PRKCZ: variants seen among roughly 807,000 people sequenced by gnomAD.
The protein encoded by PRKCZ is protein kinase C zeta, also known as protein kinase C zeta type.
PRKCZ carries 33 observed loss-of-function variants against 79.5 expected under a neutral mutation model. That is an observed-to-expected ratio of 0.41 (90% CI 0.31 to 0.55). The LOEUF is 0.55. Ranked by LOEUF, PRKCZ falls within the 20% of genes least tolerant of loss-of-function variation. PRKCZ has a pLI of 0.19. For missense variants in PRKCZ, 578 were observed against 813.5 expected (o/e 0.71, Z 3.52); for synonymous variants, 342 against 320.9 (o/e 1.07, Z -0.70).
chr1:2,102,301 C>G (rs956668964), intron 4 of PRKCZ, among the ~76,000 whole-genome samples: 1 of 140,626 alleles, frequency 7.1e-6, no homozygotes, highest in South Asian at 2.2e-4. Context: ...GCCTAGTACA[C>G]GTTTTTTATT....
At chr1:2,166,896 TG>T (rs1168165723) in intron 10 of PRKCZ, among the ~76,000 whole-genome samples, 1 of 152,196 alleles carries the variant, frequency 6.6e-6, no homozygotes, top group Non-Finnish European at 1.5e-5. Flanking sequence ...GGCACCCAAG[TG>T]GGCCGAGCCC....
chr1:2,136,247 C>T (rs1676180926), intron 5 of PRKCZ, among the ~76,000 whole-genome samples: 1 of 152,200 alleles, frequency 6.6e-6, no homozygotes, highest in African/African-American at 2.4e-5. Flanking sequence ...GTGAGCCACT[C>T]CTCCTGCCCC....
chr1:2,107,015 G>A (rs968698853), intron 4 of PRKCZ, among the ~76,000 whole-genome samples: 3 of 152,270 alleles, frequency 2.0e-5, no homozygotes, highest in African/African-American at 4.8e-5. Context: ...CCAGGATTGC[G>A]GTTTCTCCGG....
At chr1:2,126,664 C>T (rs553491058) in intron 4 of PRKCZ, among the ~76,000 whole-genome samples, 7 of 152,318 alleles carry the variant, frequency 4.6e-5, no homozygotes, top group South Asian at 4.1e-4. Flanking sequence ...CTGGATGCAG[C>T]GGCCACAGCC....
Position 2,172,887 on chromosome 1 carries a change from A to G in PRKCZ, c.1285+499A>G, listed in dbSNP as rs1457846334. Among the ~76,000 whole-genome samples, 4 of 151,342 alleles carry G rather than the reference A, an allele frequency of 2.6e-5. No individual in the cohort carries two copies. The highest frequency in any genetic ancestry group is 9.7e-5 in the African/African-American group (4 of 41,132). ...GTGTGCAGCCGTGTGTGCGTGTGTG[A>G]AACGGGGACGTGGGCACGCGTGTGC... On this transcript the variant is annotated intron_variant, in intron 13 of 17. Coordinates refer to ENST00000378567, the MANE Select transcript of PRKCZ (RefSeq NM_002744.6). The surrounding 1 kb of genome is among the most constrained non-coding windows in gnomAD (Gnocchi z 7.8).
chr1:2,184,845 AT>A (rs910180944), intron 17 of PRKCZ, 76 bp from the exon 18 acceptor site: 1 of 1,432,532 alleles, frequency 7.0e-7, no homozygotes, highest in Non-Finnish European at 9.7e-7. Flanking sequence ...GAGGATTCTT[AT>A]GCGAACGTGA....
In PRKCZ at chr1:2,172,749, T is replaced by C. The variant is rs1056796099; in HGVS notation, c.1285+361T>C. On this transcript the variant is annotated intron_variant, in intron 13 of 17. Transcript: ENST00000378567. This position sits in a 1 kb window ranked among gnomAD's most constrained non-coding sequence, Gnocchi z 7.8. The stretch of plus-strand genomic sequence containing the variant: ...CTGTTGTCTGGGGAGCCCCAGGGGG[T>C]GCAGGAGCGTGTGGACAGGACCCCA... Among the ~76,000 whole-genome samples, 2 of 152,068 alleles carry C rather than the reference T, an allele frequency of 1.3e-5. No homozygotes were observed. Among genetic ancestry groups the C allele is most frequent in the African/African-American group, 2.4e-5 (1 of 41,400 alleles).
At chr1:2,119,269 C>A (rs946216185) in intron 4 of PRKCZ, among the ~76,000 whole-genome samples, 1 of 139,830 alleles carries the variant, frequency 7.2e-6, no homozygotes, top group Non-Finnish European at 1.5e-5. Context: ...GGCTAGAGTG[C>A]AAGGGCGCGA....
At position 2,126,999 on chromosome 1, in the gene PRKCZ, G is replaced by A. The variant is rs548112049; in HGVS notation, c.335-8263G>A. On this transcript the variant is annotated intron_variant, in intron 4 of 17. Coordinates refer to ENST00000378567, the MANE Select transcript of PRKCZ (RefSeq NM_002744.6). ...CCCACGTGCCTAGACGTGAGAGGAC[G>A]GAAGTCGGCAGAGCTTGGCTCCCTG... Among the ~76,000 whole-genome samples, 6 of 152,360 alleles carry A rather than the reference G, an allele frequency of 3.9e-5. No homozygotes were observed. The South Asian group carries it at 6.2e-4, about 16-fold the overall frequency.
chr1:2,138,829 G>T (rs554933074), intron 5 of PRKCZ, among the ~76,000 whole-genome samples: 4 of 152,298 alleles, frequency 2.6e-5, no homozygotes, highest in African/African-American at 9.6e-5. Context: ...AGCTACTCAG[G>T]AGTCTGAGGC....
intron 5 of PRKCZ, chr1:2,142,994 A>T (rs1012290521): frequency 2.0e-5 from 3 of 149,732 alleles, no homozygotes; most frequent in African/African-American, 7.4e-5. Context: ...AATTCAGTGC[A>T]GGCGGTTCAC....
intron 9 of PRKCZ, among the ~76,000 whole-genome samples, chr1:2,152,787 C>T (rs1190545046): frequency 2.6e-5 from 4 of 152,326 alleles, no homozygotes; most frequent in African/African-American, 7.2e-5. Context: ...TCTGGCTTCT[C>T]CAGTGTCCGT....
In PRKCZ at chr1:2,104,747, G is replaced by A. The variant is rs371802023; in HGVS notation, c.335-30515G>A. On this transcript the variant is annotated intron_variant, in intron 4 of 17. Coordinates refer to ENST00000378567, the MANE Select transcript of PRKCZ (RefSeq NM_002744.6). ...TCGCTCGGTGCCAGACAGGCAGGAC[G>A]CAGCGGGCTGGCCTGCGGGGCTCAC... 5.2e-5 allele frequency: 51 copies of A among 985,740 alleles called. No homozygotes were observed. In the African/African-American group the frequency reaches 7.5e-4, roughly 14 times the overall value. 61.1% of individuals were successfully genotyped at this position (985,740 alleles called of 1,614,324 possible). A position where few individuals can be genotyped will look rare whatever the true frequency, so the allele number is the denominator to read the frequency against.
At chr1:2,161,930 C>T (rs1302772823) in intron 10 of PRKCZ, among the ~76,000 whole-genome samples, 3 of 152,004 alleles carry the variant, frequency 2.0e-5, no homozygotes, top group African/African-American at 7.3e-5. Flanking sequence ...CGACAGAGAC[C>T]ACATAAAACA....
At chr1:2,052,992 C>A (rs906225105) in intron 1 of PRKCZ, among the ~76,000 whole-genome samples, 4 of 152,176 alleles carry the variant, frequency 2.6e-5, no homozygotes, top group African/African-American at 9.7e-5. Flanking sequence ...TGAGGGGTCC[C>A]CAGGCACCTG....
At chr1:2,151,075 T>C in intron 9 of PRKCZ, 97 bp downstream of exon 9, 1 of 1,372,890 alleles carries the variant, frequency 7.3e-7, no homozygotes, top group East Asian at 2.4e-5. Context: ...ACGAGAGACC[T>C]AGCCTCACGT....
chr1:2,059,089 C>G (rs545063010), intron 3 of PRKCZ, among the ~76,000 whole-genome samples: 21 of 152,254 alleles, frequency 1.4e-4, no homozygotes, highest in African/African-American at 4.6e-4. Flanking sequence ...GCCATCATGT[C>G]CAGCCAAGTT....
intron 4 of PRKCZ, chr1:2,074,072 C>T: frequency 6.7e-7 from 1 of 1,485,228 alleles, no homozygotes; most frequent in East Asian, 2.5e-5. Flanking sequence ...CTGTGCGCTG[C>T]ACAGATGCTC....
chr1:2,109,504 C>T (rs1669288375), intron 4 of PRKCZ, among the ~76,000 whole-genome samples: 2 of 152,222 alleles, frequency 1.3e-5, no homozygotes, highest in South Asian at 4.1e-4. Flanking sequence ...ATGTGGATTG[C>T]AACCCTAGAC....
Sources: gnomAD v4.1 joint callset for allele counts (sites outside exome capture counted in the v4.1 genomes callset) on GRCh38, gnomAD v4.1.1 for gene constraint, Gnocchi (gnomAD v3.1) non-coding constraint, MANE v1.5 for transcripts, NCBI Gene and HGNC (gene_info 2026-07-23, HGNC 2026-07-21) for gene names.